The following SH2B3 variants were observed in gnomAD, a reference collection of about 807,000 sequenced individuals.
The protein encoded by SH2B3 is SH2B adaptor protein 3, also known as SH2B adapter protein 3.
A neutral mutation model predicts 51.9 loss-of-function variants in SH2B3; 43 were observed. The observed-to-expected ratio is 0.83, with a 90% CI of 0.65 to 1.07. The LOEUF is 1.07. Among genes scored for constraint, SH2B3 ranks in the 50% least tolerant of loss-of-function variants. The probability of loss-of-function intolerance (pLI) is 0.00; values close to 1 mark genes in which losing one functional copy is unlikely to be tolerated. For missense variants in SH2B3, 952 were observed against 834.3 expected, an observed-to-expected ratio of 1.14 and a Z score of -1.74; for synonymous variants, 396 against 376.0, an observed-to-expected ratio of 1.05 and a Z score of -0.62.
chr12:111,415,117 C>T (rs1397284400), intron 1 of SH2B3, among the ~76,000 whole-genome samples: 1 of 152,220 alleles, frequency 6.6e-6, no homozygotes, highest in Non-Finnish European at 1.5e-5. Context: ...AGCAAATGTA[C>T]CCAGGCCCCT....
At chr12:111,442,633 A>G (rs1187711510) in intron 2 of SH2B3, among the ~76,000 whole-genome samples, 1 of 152,136 alleles carries the variant, frequency 6.6e-6, no homozygotes, top group Non-Finnish European at 1.5e-5. Flanking sequence ...CCTGCCCTCC[A>G]GCGTCCCAGG....
intron 1 of SH2B3, among the ~76,000 whole-genome samples, chr12:111,417,148 C>T (rs1044754116): frequency 5.3e-5 from 8 of 152,224 alleles, no homozygotes; most frequent in African/African-American, 1.9e-4. Context: ...CCCCCTGATG[C>T]AGTCTTCCAG....
intron 1 of SH2B3, among the ~76,000 whole-genome samples, chr12:111,408,784 C>T (rs1445077436): frequency 6.6e-6 from 1 of 152,168 alleles, no homozygotes; most frequent in East Asian, 1.9e-4. Context: ...CTTCTGAGGG[C>T]TGGTGTTCAT....
chr12:111,447,566 G>GGTGGT, intron 6 of SH2B3, 22 bp downstream of exon 6: 1 of 1,486,914 alleles, frequency 6.7e-7, no homozygotes, highest in Middle Eastern at 1.7e-4. Context: ...GGTGGGGTGG[G>GGTGGT]GTGGGGCAGG....
chr12:111,423,307 G>C (rs534822524), intron 2 of SH2B3, among the ~76,000 whole-genome samples: 2 of 152,290 alleles, frequency 1.3e-5, no homozygotes, highest in Admixed American at 1.3e-4. Flanking sequence ...GTGACACCAT[G>C]AAAGACAAAT....
intron 2 of SH2B3, among the ~76,000 whole-genome samples, chr12:111,427,206 T>C (rs1384543315): frequency 6.6e-6 from 1 of 151,612 alleles, no homozygotes; most frequent in African/African-American, 2.4e-5. Flanking sequence ...GCCAACATAG[T>C]GAAACCCAGT....
In SH2B3 at chr12:111,447,447, T is replaced by G; in HGVS notation, c.1139T>G (p.Leu380Arg). Reference sequence around the variant, plus strand: ...GTGAAAGCAGCTCAGCTGGTTCAGCTGCAGGGCCCTGATGCTCATGGAGTG... The same window carrying G: ...GTGAAAGCAGCTCAGCTGGTTCAGCGGCAGGGCCCTGATGCTCATGGAGTG... ...SRVKAAQLVQ[L>R]QGPDAHGVFL... is the part of the protein sequence containing the mutation. Residue 380 changes from leucine to arginine, a missense_variant, in exon 6 of 8, where the codon CTG becomes CGG. By Grantham distance (102) the Leu-to-Arg change is moderately radical. Coordinates refer to ENST00000341259, the MANE Select transcript of SH2B3 (RefSeq NM_005475.3). The G allele has an allele frequency of 6.2e-7, 1 of 1,613,534 alleles. No individual in the cohort carries two copies. Among genetic ancestry groups the G allele is most frequent in the Non-Finnish European group, 8.5e-7 (1 of 1,179,816 alleles).
chr12:111,433,437 T>C (rs541039066), intron 2 of SH2B3, among the ~76,000 whole-genome samples: 17 of 152,368 alleles, frequency 1.1e-4, no homozygotes, highest in Non-Finnish European at 1.9e-4. Context: ...CCCACCATCA[T>C]TGCGTGAGAG....
At chr12:111,422,323 G>A (rs1303766246) in intron 2 of SH2B3, among the ~76,000 whole-genome samples, 1 of 152,086 alleles carries the variant, frequency 6.6e-6, no homozygotes, top group Non-Finnish European at 1.5e-5. Flanking sequence ...CGGTGGCTGC[G>A]TTCCTGGATC....
intron 2 of SH2B3, among the ~76,000 whole-genome samples, chr12:111,441,404 A>G (rs1201529840): frequency 6.6e-6 from 1 of 151,254 alleles, no homozygotes; most frequent in Non-Finnish European, 1.5e-5. Flanking sequence ...AGGAGAGGTG[A>G]GTCACTTACC....
rs1337144150 is a variant in SH2B3 at position 111,418,678 on chromosome 12, T to C, written c.533T>C (p.Leu178Pro). ...GCTGAGACCCCCGCCCGGCCTGGCC[T>C]GGCCAAGAAGTTCCTGCCCTGGAGC... is the stretch of plus-strand genomic sequence containing the variant. ...EAAETPARPG[L>P]AKKFLPWSLA... Residue 178 changes from leucine to proline, a missense_variant, in exon 2 of 8, where the codon CTG becomes CCG. Coordinates refer to ENST00000341259, the MANE Select transcript of SH2B3 (RefSeq NM_005475.3). This position sits in a 1 kb window ranked among gnomAD's most constrained non-coding sequence, Gnocchi z 6.7. 6.7e-7 allele frequency: 1 copy of C among 1,490,448 alleles called. No individual in the cohort carries two copies. The highest frequency in any genetic ancestry group is 8.9e-7 in the Non-Finnish European group (1 of 1,128,210). 92.3% of individuals were successfully genotyped at this position (1,490,448 alleles called of 1,614,324 possible). A position where few individuals can be genotyped will look rare whatever the true frequency, so the allele number is the denominator to read the frequency against.
Position 111,447,989 on chromosome 12 carries a change from G to C in SH2B3, c.1415G>C (p.Cys472Ser). The change falls in exon 8 of 8, where the codon TGC becomes TCC. Residue 472 changes from cysteine to serine, a missense_variant. Coordinates refer to ENST00000341259, the MANE Select transcript of SH2B3 (RefSeq NM_005475.3). ...TCTTGGTCACTTGTCCTAGGTTCCT[G>C]CAACACGGTCCTCTTCCCTTTCTCC... ...VVVVSQPPGS[C>S]NTVLFPFSLP... 2 of 1,606,654 alleles carry C rather than the reference G, an allele frequency of 1.2e-6. No homozygotes were observed. The highest frequency in any genetic ancestry group is 1.7e-6 in the Non-Finnish European group (2 of 1,175,412).
At chr12:111,434,431 G>A (rs1429857115) in intron 2 of SH2B3, among the ~76,000 whole-genome samples, 4 of 152,206 alleles carry the variant, frequency 2.6e-5, no homozygotes, top group African/African-American at 9.7e-5. Context: ...TATTTACTCA[G>A]CATGTTTGTC....
chr12:111,431,113 C>T (rs1190965518), intron 2 of SH2B3, among the ~76,000 whole-genome samples: 2 of 152,218 alleles, frequency 1.3e-5, no homozygotes, highest in South Asian at 2.1e-4. Flanking sequence ...CCTATCTCCC[C>T]TCTGAGTTGA....
intron 2 of SH2B3, among the ~76,000 whole-genome samples, chr12:111,446,374 C>G (rs1290863488): frequency 6.6e-6 from 1 of 152,258 alleles, no homozygotes; most frequent in Non-Finnish European, 1.5e-5. Flanking sequence ...ATGCTAGGCT[C>G]TGCCCCTTTG....
chr12:111,437,840 T>C lies in SH2B3; in HGVS notation c.733-8913T>C, dbSNP rs112242588. On this transcript the variant is annotated intron_variant, in intron 2 of 7. Coordinates refer to ENST00000341259, the MANE Select transcript of SH2B3 (RefSeq NM_005475.3). ...CACTTGAGAGCTTGGGGGTCCCAGG[T>C]ACCTACCCAAGTGCTCATCCATCCA... Among the ~76,000 whole-genome samples, 622 of 152,224 alleles carry C rather than the reference T, an allele frequency of 4.1e-3. 5 individuals carry two copies. Among genetic ancestry groups the C allele is most frequent in the African/African-American group, 0.014 (581 of 41,544 alleles).
chr12:111,446,813 C>T lies in SH2B3; in HGVS notation c.793C>T (p.Arg265Trp), dbSNP rs572495880. The T allele has an allele frequency of 2.0e-5, 31 of 1,580,740 alleles. No individual in the cohort carries two copies. Among genetic ancestry groups the T allele is most frequent in the Middle Eastern group, 3.4e-4 (2 of 5,908 alleles). The change falls in exon 3 of 8, where the codon CGG becomes TGG. Residue 265 changes from arginine (R) to tryptophan (W), a missense_variant. Coordinates refer to ENST00000341259, the MANE Select transcript of SH2B3 (RefSeq NM_005475.3). ...SSIQEVRWCT[R>W]LEMPDNLYTF... ...CATCCAGGAGGTCCGGTGGTGCACA[C>T]GGCTTGAGATGCCTGACAACCTTTA... is the stretch of plus-strand genomic sequence containing the variant.
chr12:111,449,406 T>C lies in SH2B3; in HGVS notation c.*1104T>C, dbSNP rs1874377143. The C allele has an allele frequency of 1.3e-5, 2 of 152,240 alleles. No homozygotes were observed. Among genetic ancestry groups the C allele is most frequent in the Admixed American group, 1.3e-4 (2 of 15,286 alleles). The allele number at this position is 152,240 out of a possible 1,614,324, so 9.4% of individuals were successfully genotyped here. On this transcript the variant is annotated 3_prime_UTR_variant, in exon 8 of 8. Coordinates refer to ENST00000341259, the MANE Select transcript of SH2B3 (RefSeq NM_005475.3). ...TGAGCCAAAATGGAAGCTGGGAATC[T>C]GGTGCCATAACTAATGAGAAACTCC...
intron 2 of SH2B3, among the ~76,000 whole-genome samples, chr12:111,419,803 TC>T (rs1455840228): frequency 2.0e-5 from 3 of 152,228 alleles, no homozygotes; most frequent in Non-Finnish European, 4.4e-5. Flanking sequence ...ACGCCACTGT[TC>T]CTTTGGCTTT....
Sources: allele counts gnomAD v4.1 joint callset (sites outside exome capture counted in the v4.1 genomes callset), GRCh38; gene constraint gnomAD v4.1.1; non-coding constraint Gnocchi (gnomAD v3.1); transcripts MANE v1.5; gene names NCBI Gene and HGNC (gene_info 2026-07-23, HGNC 2026-07-21).